NAV2: variants seen among roughly 807,000 people sequenced by gnomAD.
NAV2 encodes the protein neuron navigator 2.
A neutral mutation model predicts 223.2 loss-of-function variants in NAV2; 54 were observed. That is an observed-to-expected ratio of 0.24 (90% CI 0.19 to 0.30). NAV2 has a LOEUF of 0.30. Ranked by LOEUF, NAV2 falls within the 10% of genes least tolerant of loss-of-function variation. NAV2 has a pLI of 1.00. For missense variants in NAV2, 2,806 were observed against 3,147.5 expected (o/e 0.89, Z 2.60); for synonymous variants, 1,279 against 1,239.3 (o/e 1.03, Z -0.67).
intron 3 of NAV2, among the ~76,000 whole-genome samples, chr11:19,860,984 C>G (rs953966825): frequency 6.8e-6 from 1 of 147,638 alleles, no homozygotes; most frequent in African/African-American, 2.5e-5. Flanking sequence ...GGCAGCAGTA[C>G]AGTCCAGCTT....
At chr11:19,625,912 C>T (rs1330622124) in intron 1 of NAV2, among the ~76,000 whole-genome samples, 1 of 151,824 alleles carries the variant, frequency 6.6e-6, no homozygotes, top group African/African-American at 2.4e-5. Context: ...GTTTGAGTTC[C>T]TTGTATATTC....
intron 10 of NAV2, among the ~76,000 whole-genome samples, chr11:19,976,272 G>C (rs1591500739): frequency 6.6e-6 from 1 of 152,162 alleles, no homozygotes; most frequent in African/African-American, 2.4e-5. Context: ...GCTTCCAGGT[G>C]ATGTTGAAAC....
At chr11:19,833,145 C>T (rs1369673079) in intron 2 of NAV2, among the ~76,000 whole-genome samples, 17 of 152,156 alleles carry the variant, frequency 1.1e-4, no homozygotes, top group Admixed American at 1.1e-3. Context: ...AGAGTTCCTC[C>T]AGTGAAGGCA....
intron 1 of NAV2, among the ~76,000 whole-genome samples, chr11:19,525,298 T>G (rs2043808349): frequency 6.6e-6 from 1 of 152,160 alleles, no homozygotes; most frequent in African/African-American, 2.4e-5. Flanking sequence ...AGTGGCCCCT[T>G]TCCTACACCA....
chr11:19,744,552 G>T (rs1363937357), intron 1 of NAV2, among the ~76,000 whole-genome samples: 1 of 103,574 alleles, frequency 9.7e-6, no homozygotes, highest in Non-Finnish European at 1.9e-5. Flanking sequence ...TAATTTAAAA[G>T]GTAATATCTG....
intron 1 of NAV2, among the ~76,000 whole-genome samples, chr11:19,806,955 AT>A (rs2058599657): frequency 6.6e-6 from 1 of 152,204 alleles, no homozygotes; most frequent in Admixed American, 6.5e-5. Context: ...GAAAAGAAAA[AT>A]GGGCATCCAA....
chr11:20,041,487 C>T (rs1402704816), intron 12 of NAV2, among the ~76,000 whole-genome samples: 1 of 152,074 alleles, frequency 6.6e-6, no homozygotes, highest in Non-Finnish European at 1.5e-5. Context: ...CTAGTATTAG[C>T]ACCATTACAG....
intron 1 of NAV2, among the ~76,000 whole-genome samples, chr11:19,806,883 T>C (rs954702915): frequency 2.6e-4 from 40 of 152,226 alleles, no homozygotes; most frequent in African/African-American, 9.2e-4. Flanking sequence ...TATCTCTATG[T>C]AGAGTGTGAT....
rs775502727 is a variant in NAV2, at chr11:19,933,407, C to G, written c.1163C>G (p.Pro388Arg). 1.3e-6 allele frequency: 2 copies of G among 1,582,794 alleles called. No individual in the cohort carries two copies. Among genetic ancestry groups the G allele is most frequent in the South Asian group, 1.1e-5 (1 of 87,118 alleles). The change falls in exon 7 of 38, where the codon CCT becomes CGT. Residue 388 changes from proline (P) to arginine (R), a missense_variant. By Grantham distance (103) the Pro-to-Arg change is moderately radical (BLOSUM62 -2). This residue lies in a region of NAV2 where 1,167 missense variants were observed against 1,180.5 expected (regional missense o/e 0.99). Coordinates refer to ENST00000349880, the MANE Select transcript of NAV2 (RefSeq NM_145117.5). This position sits in a 1 kb window ranked among gnomAD's most constrained non-coding sequence, Gnocchi z 4.3. Reference sequence around the variant, plus strand: ...GGGCCTGAGGCCCCCAGGCCCACACCTGAAGCCATGAAGCCGGCCCCCAAC... The same window carrying G: ...GGGCCTGAGGCCCCCAGGCCCACACGTGAAGCCATGAAGCCGGCCCCCAAC... ...PPGPEAPRPT[P>R]EAMKPAPNNQ...
At chr11:19,764,650 T>C (rs77234636) in intron 1 of NAV2, among the ~76,000 whole-genome samples, 1 of 152,140 alleles carries the variant, frequency 6.6e-6, no homozygotes, top group Non-Finnish European at 1.5e-5. Context: ...CATTCTTTTT[T>C]CTTTTCTTTT....
chr11:19,452,933 T>C (rs1161124539), intron 1 of NAV2, among the ~76,000 whole-genome samples: 1 of 152,238 alleles, frequency 6.6e-6, no homozygotes, highest in African/African-American at 2.4e-5. Context: ...GCTTTTTACA[T>C]GTATTAATCC....
chr11:20,009,015 G>A (rs149461605), intron 11 of NAV2, among the ~76,000 whole-genome samples: 94 of 152,224 alleles, frequency 6.2e-4, no homozygotes, highest in Middle Eastern at 3.4e-3. Flanking sequence ...ACTTCCTGTA[G>A]TGCTTACTGG....
At chr11:20,107,995 T>C (rs2062291170) in intron 36 of NAV2, among the ~76,000 whole-genome samples, 1 of 152,234 alleles carries the variant, frequency 6.6e-6, no homozygotes, top group Non-Finnish European at 1.5e-5. Context: ...GGCCAGCTGG[T>C]TAGCCTTTCT....
chr11:19,609,197 T>C (rs2046563945), intron 1 of NAV2, among the ~76,000 whole-genome samples: 2 of 152,232 alleles, frequency 1.3e-5, no homozygotes, highest in Non-Finnish European at 2.9e-5. Context: ...ACAGGCATTT[T>C]TGAAAGCAGA....
At chr11:19,899,142 C>T (rs1204882298) in intron 6 of NAV2, among the ~76,000 whole-genome samples, 14 of 152,192 alleles carry the variant, frequency 9.2e-5, no homozygotes, top group Admixed American at 7.9e-4. Flanking sequence ...TCCATGCTTT[C>T]TGGTGGGTTT....
At chr11:19,710,221 G>A (rs962420519), upstream of NAV2, among the ~76,000 whole-genome samples, 2 of 152,166 alleles carry the variant, frequency 1.3e-5, no homozygotes, top group Admixed American at 6.5e-5. Context: ...GATGCACTCT[G>A]AGATCCTTTT....
intron 31 of NAV2, among the ~76,000 whole-genome samples, chr11:20,098,219 C>A (rs557898493): frequency 6.6e-6 from 1 of 152,196 alleles, no homozygotes; most frequent in South Asian, 2.1e-4. Flanking sequence ...GATATTAAGC[C>A]CCAGGCCAGT....
chr11:19,489,880 C>A (rs569988846), intron 1 of NAV2, among the ~76,000 whole-genome samples: 101 of 152,244 alleles, frequency 6.6e-4, no homozygotes, highest in African/African-American at 2.3e-3. Flanking sequence ...ATTCCACAGT[C>A]CCAGAACCCC....
intron 36 of NAV2, 151 bp from the exon 37 acceptor site, chr11:20,114,441 G>A (rs1472776969): frequency 1.9e-5 from 13 of 698,720 alleles, no homozygotes; most frequent in Non-Finnish European, 2.9e-5. Flanking sequence ...CTGCATCTTG[G>A]ATGACTTCCT....
Sources: gnomAD v4.1 joint callset for allele counts (sites outside exome capture counted in the v4.1 genomes callset) on GRCh38, gnomAD v4.1.1 for gene constraint, gnomAD v4.1.1 regional missense constraint, Gnocchi (gnomAD v3.1) non-coding constraint, MANE v1.5 for transcripts, NCBI Gene and HGNC (gene_info 2026-07-23, HGNC 2026-07-21) for gene names.